Variants in EVI5 observed in about 807,000 individuals in gnomAD.
EVI5 encodes ecotropic viral integration site 5, also known as ecotropic viral integration site 5 protein homolog.
In EVI5, 73 loss-of-function variants were observed where a neutral mutation model predicts 112.0. The ratio of observed to expected loss-of-function variants is 0.65; its 90% CI spans 0.54 to 0.79. The LOEUF is 0.79. Among genes scored for constraint, EVI5 ranks in the 30% least tolerant of loss-of-function variants. EVI5 has a pLI of 0.00. For missense variants in EVI5, 900 were observed against 968.8 expected (o/e 0.93, Z 0.94); for synonymous variants, 305 against 319.9 (o/e 0.95, Z 0.50).
At chr1:92,581,329 T>G (rs1671901205) in intron 18 of EVI5, among the ~76,000 whole-genome samples, 1 of 152,262 alleles carries the variant, frequency 6.6e-6, no homozygotes, top group Admixed American at 6.5e-5. Context: ...AAACCTGAGT[T>G]TTAGGATTCA....
intron 16 of EVI5, among the ~76,000 whole-genome samples, chr1:92,612,765 C>T (rs1355440561): frequency 2.0e-5 from 3 of 149,800 alleles, no homozygotes; most frequent in Non-Finnish European, 3.0e-5. Context: ...AGTTCAAACC[C>T]GGAGCCTTCC....
chr1:92,527,031 T>A (rs1362028837), intron 19 of EVI5, among the ~76,000 whole-genome samples: 1 of 152,230 alleles, frequency 6.6e-6, no homozygotes. Context: ...TGAAGTCTAC[T>A]GATTAAGATG....
intron 19 of EVI5, among the ~76,000 whole-genome samples, chr1:92,555,244 T>A (rs1667501736): frequency 6.6e-6 from 1 of 152,218 alleles, no homozygotes; most frequent in Admixed American, 6.5e-5. Flanking sequence ...TAATTTCTTT[T>A]ATTAAGAAGC....
At position 92,628,078 on chromosome 1, in the gene EVI5, G is replaced by A. The variant is rs772223058; in HGVS notation, c.1528-2144C>T. Among the ~76,000 whole-genome samples, 71 of 152,228 alleles carry A rather than the reference G, an allele frequency of 4.7e-4. No homozygotes were observed. The Middle Eastern group carries it at 0.017, about 36-fold the overall frequency. On this transcript the variant is annotated intron_variant, in intron 14 of 19. Transcript: ENST00000684568. ...GCTGGGATTACAGGCGTGAGCCACC[G>A]CACCCAGCCGATGTTTAGTACATTT...
At chr1:92,693,988 G>A (rs879268967) in intron 8 of EVI5, 89 bp from the exon 9 acceptor site, 14 of 835,568 alleles carry the variant, frequency 1.7e-5, no homozygotes, top group Admixed American at 6.2e-5. Context: ...TGGGCTGGGC[G>A]TGGTGGCTCA....
At chr1:92,611,285 G>C (rs1046700708) in intron 16 of EVI5, among the ~76,000 whole-genome samples, 2 of 151,616 alleles carry the variant, frequency 1.3e-5, no homozygotes, top group Non-Finnish European at 2.9e-5. Context: ...ATAAAGGAAG[G>C]GTAATGAAAT....
chr1:92,566,803 C>CTTTTTTT (rs57042163), intron 18 of EVI5, among the ~76,000 whole-genome samples: 17 of 97,878 alleles, frequency 1.7e-4, no homozygotes, highest in Admixed American at 2.5e-4. Context: ...TGTGTGCCTG[C>CTTTTTTT]TTTTTTTTTT....
At chr1:92,704,766 T>C in intron 2 of EVI5, 22 bp from the exon 3 acceptor site, 1 of 1,265,854 alleles carries the variant, frequency 7.9e-7, no homozygotes, top group Non-Finnish European at 1.1e-6. Context: ...TTAAAAACTG[T>C]TCAAGATCTA....
chr1:92,616,961 T>C (rs1653329456), intron 16 of EVI5, among the ~76,000 whole-genome samples: 1 of 152,202 alleles, frequency 6.6e-6, no homozygotes. Context: ...GTAAGTTTCA[T>C]GAGGAAGTAG....
chr1:92,563,725 T>G lies in EVI5; in HGVS notation c.2083A>C (p.Lys695Gln). Reference sequence around the variant, plus strand: ...GACTTGTTAAGCTGTCCTTGAAGCTTTCCTTCTTCTTTCTGTTTTGTGACA... The same window carrying G: ...GACTTGTTAAGCTGTCCTTGAAGCTGTCCTTCTTCTTTCTGTTTTGTGACA... ...AELEIQKEEG[K>Q]LQGQLNKSDS... Residue 695 changes from lysine to glutamine, a missense_variant, in exon 19 of 20, where the codon AAG becomes CAG. Coordinates refer to ENST00000684568, the MANE Select transcript of EVI5 (RefSeq NM_001350197.2). 4 of 1,602,508 alleles carry G rather than the reference T, an allele frequency of 2.5e-6. No homozygotes were observed. The East Asian group carries it at 9.0e-5, about 36-fold the overall frequency.
chr1:92,744,585 ATCTC>A (rs3220876), intron 1 of EVI5, among the ~76,000 whole-genome samples: 76 of 120,206 alleles, frequency 6.3e-4, no homozygotes, highest in African/African-American at 1.8e-3. Flanking sequence ...TATGCCAAAT[ATCTC>A]TCTCTCTCTC....
At chr1:92,738,316 T>G (rs1030585391) in intron 1 of EVI5, among the ~76,000 whole-genome samples, 7 of 152,064 alleles carry the variant, frequency 4.6e-5, no homozygotes, top group African/African-American at 1.5e-4. Context: ...CAAAGCACAC[T>G]CTAATATTTA....
chr1:92,545,604 G>C (rs2100678234), intron 19 of EVI5, among the ~76,000 whole-genome samples: 1 of 152,180 alleles, frequency 6.6e-6, no homozygotes, highest in South Asian at 2.1e-4. Context: ...GACTCCAGAA[G>C]TAACACAATC....
chr1:92,599,061 A>T (rs988286159), intron 18 of EVI5, among the ~76,000 whole-genome samples: 1 of 151,700 alleles, frequency 6.6e-6, no homozygotes, highest in Non-Finnish European at 1.5e-5. Context: ...ACTACATAGC[A>T]TGTATATAAA....
At chr1:92,605,238 T>A in intron 18 of EVI5, 69 bp downstream of exon 18, 1 of 1,019,100 alleles carries the variant, frequency 9.8e-7, no homozygotes, top group East Asian at 2.4e-5. Context: ...AAAGAGTAAG[T>A]TACTGTTCAG....
chr1:92,603,200 A>G (rs1204390951), intron 18 of EVI5, among the ~76,000 whole-genome samples: 1 of 152,244 alleles, frequency 6.6e-6, no homozygotes, highest in Non-Finnish European at 1.5e-5. Context: ...CAGAAAATTA[A>G]CAAGTGTTGG....
At chr1:92,569,101 AT>A (rs1242672531) in intron 18 of EVI5, among the ~76,000 whole-genome samples, 5 of 152,218 alleles carry the variant, frequency 3.3e-5, no homozygotes. Flanking sequence ...ACTGGCACTT[AT>A]AATGTGCCAG....
chr1:92,591,418 T>A (rs1159810203), intron 18 of EVI5, among the ~76,000 whole-genome samples: 3 of 152,012 alleles, frequency 2.0e-5, no homozygotes, highest in African/African-American at 7.2e-5. Context: ...TGGAGGAAGA[T>A]CTACCAAGCA....
chr1:92,734,038 C>T (rs141274515), intron 2 of EVI5, among the ~76,000 whole-genome samples: 628 of 152,288 alleles, frequency 4.1e-3, no homozygotes, highest in African/African-American at 0.014. Context: ...AGTTATATGG[C>T]CACGCCTAGC....
Sources: allele counts gnomAD v4.1 joint callset (sites outside exome capture counted in the v4.1 genomes callset), GRCh38; gene constraint gnomAD v4.1.1; transcripts MANE v1.5; gene names NCBI Gene and HGNC (gene_info 2026-07-23, HGNC 2026-07-21).